ZMYM4: variants seen among roughly 807,000 people sequenced by gnomAD.
ZMYM4 encodes zinc finger MYM-type protein 4.
A neutral mutation model predicts 183.2 loss-of-function variants in ZMYM4; 31 were observed. The observed-to-expected ratio is 0.17, with a 90% CI of 0.13 to 0.23. The LOEUF is 0.23. ZMYM4 is among the 10% of genes least tolerant of loss of function. The probability of loss-of-function intolerance (pLI) is 1.00; values close to 1 mark genes in which losing one functional copy is unlikely to be tolerated. For synonymous variants in ZMYM4, 592 were observed against 631.2 expected (o/e 0.94, Z 0.93); for missense variants, 1,273 against 1,840.3 (o/e 0.69, Z 5.64).
intron 1 of ZMYM4, among the ~76,000 whole-genome samples, chr1:35,280,079 A>AT (rs60520045): frequency 1.3e-3 from 199 of 150,462 alleles, no homozygotes; most frequent in South Asian, 6.6e-3. Context: ...CCACCTTTAC[A>AT]TTTTTTTTTC....
chr1:35,408,555 T>C (rs575334020), intron 26 of ZMYM4, among the ~76,000 whole-genome samples: 3 of 152,032 alleles, frequency 2.0e-5, no homozygotes, highest in African/African-American at 7.2e-5. Context: ...CTGGGCAACA[T>C]AGGGAGACAC....
intron 2 of ZMYM4, among the ~76,000 whole-genome samples, chr1:35,341,414 T>G (rs1375136422): frequency 6.6e-6 from 1 of 152,122 alleles, no homozygotes; most frequent in Non-Finnish European, 1.5e-5. Context: ...ACAGATCTTA[T>G]TTTATGCCAT....
At chr1:35,396,822 T>G (rs1288264559) in intron 19 of ZMYM4, 152 bp downstream of exon 19, 1 of 975,066 alleles carries the variant, frequency 1.0e-6, no homozygotes, top group Non-Finnish European at 1.4e-6. Flanking sequence ...TAACATGGAT[T>G]ATATAAATGA....
chr1:35,348,673 C>T (rs1433093272), intron 2 of ZMYM4, among the ~76,000 whole-genome samples: 1 of 152,172 alleles, frequency 6.6e-6, no homozygotes, highest in Admixed American at 6.6e-5. Context: ...AAGGAGAAAA[C>T]TAGAGTGGCT....
intron 2 of ZMYM4, among the ~76,000 whole-genome samples, chr1:35,333,574 A>C (rs919568399): frequency 2.0e-5 from 3 of 151,924 alleles, no homozygotes; most frequent in African/African-American, 7.2e-5. Flanking sequence ...TGATTTTTTA[A>C]GAGTAACATT....
At chr1:35,341,579 T>TA (rs1643203323) in intron 2 of ZMYM4, among the ~76,000 whole-genome samples, 1 of 151,990 alleles carries the variant, frequency 6.6e-6, no homozygotes, top group Non-Finnish European at 1.5e-5. Flanking sequence ...GGGTGTTACT[T>TA]AATTCCCTTA....
Position 35,389,445 on chromosome 1 carries a change from GT to G in ZMYM4, c.2436+369del, listed in dbSNP as rs201548702. ...AGAGTGAAGTCTGTATGTTACATGT[GT>G]TTTTTAAAAAAAATTAGTATAAAAT... On this transcript the variant is annotated intron_variant, in intron 14 of 29. Transcript: ENST00000314607. This position sits in a 1 kb window ranked among gnomAD's most constrained non-coding sequence, Gnocchi z 4.0. Among the ~76,000 whole-genome samples, 2 of 151,894 alleles carry G rather than the reference GT, an allele frequency of 1.3e-5. No individual in the cohort carries two copies. The highest frequency in any genetic ancestry group is 4.8e-5 in the African/African-American group (2 of 41,358).
intron 15 of ZMYM4, among the ~76,000 whole-genome samples, chr1:35,391,624 T>C (rs1644707254): frequency 6.6e-6 from 1 of 152,232 alleles, no homozygotes; most frequent in South Asian, 2.1e-4. Context: ...ACCTGTGATC[T>C]TCATTGGTAT....
At chr1:35,401,205 G>C (rs1471942120) in intron 23 of ZMYM4, among the ~76,000 whole-genome samples, 3 of 152,212 alleles carry the variant, frequency 2.0e-5, no homozygotes, top group Non-Finnish European at 4.4e-5. Context: ...AAAGCTGCCA[G>C]ACTGTTTTCC....
At chr1:35,385,658 A>G (rs1018348153) in intron 10 of ZMYM4, 66 bp downstream of exon 10, 6 of 1,506,882 alleles carry the variant, frequency 4.0e-6, no homozygotes, top group Non-Finnish European at 4.4e-6. Context: ...CTTTGTTTTT[A>G]ACGGTTTTTT....
At chr1:35,368,678 A>G (rs1363634192) in intron 5 of ZMYM4, among the ~76,000 whole-genome samples, 1 of 152,180 alleles carries the variant, frequency 6.6e-6, no homozygotes, top group African/African-American at 2.4e-5. Context: ...TAGTAGTTCC[A>G]CTTCAGGAAT....
At chr1:35,364,743 A>G (rs572863161) in intron 5 of ZMYM4, among the ~76,000 whole-genome samples, 2 of 152,112 alleles carry the variant, frequency 1.3e-5, no homozygotes, top group African/African-American at 4.8e-5. Flanking sequence ...CCTTTTCAAA[A>G]CTTCCTTTGG....
chr1:35,408,581 T>A (rs564154259), intron 26 of ZMYM4, among the ~76,000 whole-genome samples: 1 of 151,738 alleles, frequency 6.6e-6, no homozygotes, highest in East Asian at 1.9e-4. Context: ...CTACAAAAAA[T>A]AAAAAATTAG....
At chr1:35,351,063 G>C in intron 2 of ZMYM4, 1 of 846,966 alleles carries the variant, frequency 1.2e-6, no homozygotes, top group Non-Finnish European at 2.0e-6. Flanking sequence ...GTTTGGCATG[G>C]ACAAGATCTG....
chr1:35,405,701 G>C (rs1644989967), intron 25 of ZMYM4, among the ~76,000 whole-genome samples: 1 of 151,484 alleles, frequency 6.6e-6, no homozygotes, highest in Admixed American at 6.6e-5. Flanking sequence ...CTGTGCAAGT[G>C]CCTCAAAATA....
At chr1:35,315,604 G>A (rs1642009259) in intron 1 of ZMYM4, among the ~76,000 whole-genome samples, 2 of 152,072 alleles carry the variant, frequency 1.3e-5, no homozygotes, top group Non-Finnish European at 2.9e-5. Flanking sequence ...ATAAAAATGC[G>A]AAAAGAAGAT....
intron 21 of ZMYM4, 42 bp downstream of exon 21, chr1:35,398,508 C>T (rs761324047): frequency 3.9e-6 from 6 of 1,534,994 alleles, no homozygotes; most frequent in Non-Finnish European, 2.7e-6. Flanking sequence ...GAAATACTAC[C>T]CTCTGTTAGA....
At chr1:35,303,000 G>A (rs961602264) in intron 1 of ZMYM4, among the ~76,000 whole-genome samples, 1 of 151,016 alleles carries the variant, frequency 6.6e-6, no homozygotes, top group Non-Finnish European at 1.5e-5. Flanking sequence ...ATTATCCAGG[G>A]CATAGTGACC....
chr1:35,375,235 C>G (rs1644309808), intron 7 of ZMYM4, among the ~76,000 whole-genome samples: 1 of 152,030 alleles, frequency 6.6e-6, no homozygotes, highest in African/African-American at 2.4e-5. Flanking sequence ...TCCTTATATT[C>G]CATTTTACTT....
Sources: allele counts gnomAD v4.1 joint callset (sites outside exome capture counted in the v4.1 genomes callset), GRCh38; gene constraint gnomAD v4.1.1; non-coding constraint Gnocchi (gnomAD v3.1); transcripts MANE v1.5; gene names NCBI Gene and HGNC (gene_info 2026-07-23, HGNC 2026-07-21).